CPEB4: variants seen among roughly 807,000 people sequenced by gnomAD.
The protein encoded by CPEB4 is cytoplasmic polyadenylation element binding protein 4, also known as cytoplasmic polyadenylation element-binding protein 4.
Under a neutral mutation model 72.5 loss-of-function variants are expected in CPEB4, and 12 were observed. The observed-to-expected ratio is 0.17, with a 90% CI of 0.11 to 0.27. The LOEUF is 0.27. CPEB4 is among the 10% of genes least tolerant of loss of function. CPEB4 has a pLI of 1.00. For synonymous variants in CPEB4, 302 were observed against 326.3 expected, an observed-to-expected ratio of 0.93 and a Z score of 0.80; for missense variants, 614 against 908.5, an observed-to-expected ratio of 0.68 and a Z score of 4.17.
chr5:173,904,742 A>G (rs1289955238), intron 1 of CPEB4, among the ~76,000 whole-genome samples: 1 of 151,954 alleles, frequency 6.6e-6, no homozygotes, highest in Admixed American at 6.6e-5. Context: ...CTATGCCACT[A>G]AACTATGCAG....
intron 1 of CPEB4, among the ~76,000 whole-genome samples, chr5:173,905,546 C>A (rs971932264): frequency 3.9e-5 from 6 of 152,026 alleles, no homozygotes; most frequent in African/African-American, 1.4e-4. Flanking sequence ...GTCTCGAACT[C>A]CTGACCTTGT....
intron 5 of CPEB4, among the ~76,000 whole-genome samples, chr5:173,947,735 CT>C (rs1758077526): frequency 6.6e-6 from 1 of 152,132 alleles, no homozygotes; most frequent in African/African-American, 2.4e-5. Context: ...TCTTTATTTC[CT>C]AGCTTCCTTC....
At chr5:173,916,590 C>T (rs984403754) in intron 2 of CPEB4, among the ~76,000 whole-genome samples, 4 of 152,162 alleles carry the variant, frequency 2.6e-5, no homozygotes, top group African/African-American at 9.7e-5. Context: ...TTTTAAAACA[C>T]TTTCATATTT....
chr5:173,930,843 G>T (rs189499142), intron 2 of CPEB4, among the ~76,000 whole-genome samples: 2 of 151,954 alleles, frequency 1.3e-5, no homozygotes, highest in African/African-American at 4.8e-5. Context: ...AAAAAAATTA[G>T]CCAGGCATGG....
At chr5:173,926,346 G>A (rs1757240597) in intron 2 of CPEB4, among the ~76,000 whole-genome samples, 2 of 152,198 alleles carry the variant, frequency 1.3e-5, no homozygotes, top group East Asian at 3.8e-4. Flanking sequence ...TTTAGTTAGT[G>A]TCTTAAAAGG....
chr5:173,955,902 G>T lies in CPEB4; in HGVS notation c.1963-8G>T, dbSNP rs1758362220. On this transcript the variant is annotated splice_polypyrimidine_tract_variant and splice_region_variant and intron_variant, in intron 9 of 9. Coordinates refer to ENST00000265085, the MANE Select transcript of CPEB4 (RefSeq NM_030627.4). This position sits in a 1 kb window ranked among gnomAD's most constrained non-coding sequence, Gnocchi z 4.7. ...CTGAAAAATGTAAACTCTTATTTTT[G>T]ATTGCAGGTGGAAGTTAAGCCATAT... The T allele has an allele frequency of 1.2e-6, 2 of 1,604,390 alleles. No individual in the cohort carries two copies. Among genetic ancestry groups the T allele is most frequent in the Non-Finnish European group, 1.7e-6 (2 of 1,173,214 alleles).
chr5:173,891,618 C>G (rs1755815450), intron 1 of CPEB4: 1 of 152,128 alleles, frequency 6.6e-6, no homozygotes, highest in Non-Finnish European at 1.5e-5. Flanking sequence ...AAAAATAGAT[C>G]CAGGCAAAGA....
In CPEB4 at chr5:173,930,834, A is replaced by G. The variant is rs527700526; in HGVS notation, c.1208-1616A>G. Among the ~76,000 whole-genome samples, 21 of 151,712 alleles carry G rather than the reference A, an allele frequency of 1.4e-4. No individual in the cohort carries two copies. In the South Asian group the frequency reaches 4.2e-3, roughly 30 times the overall value. ...AAACCCCGTCCCTACTAAAAATACA[A>G]AAAAATTAGCCAGGCATGGTAGCGG... On this transcript the variant is annotated intron_variant, in intron 2 of 9. Coordinates refer to ENST00000265085, the MANE Select transcript of CPEB4 (RefSeq NM_030627.4).
chr5:173,925,684 G>A (rs555289030), intron 2 of CPEB4, among the ~76,000 whole-genome samples: 21 of 152,290 alleles, frequency 1.4e-4, no homozygotes, highest in Non-Finnish European at 2.5e-4. Flanking sequence ...CTTGCTGCAA[G>A]TCTCAAGTGG....
At chr5:173,927,510 G>C (rs1581142621) in intron 2 of CPEB4, among the ~76,000 whole-genome samples, 1 of 152,216 alleles carries the variant, frequency 6.6e-6, no homozygotes, top group East Asian at 1.9e-4. Flanking sequence ...AGGCGCAGTG[G>C]CTCAAGCCTG....
chr5:173,946,018 T>C (rs371286022), intron 5 of CPEB4, among the ~76,000 whole-genome samples: 1 of 152,218 alleles, frequency 6.6e-6, no homozygotes, highest in South Asian at 2.1e-4. Context: ...GAGAATAGAA[T>C]AGATTTCTTT....
chr5:173,912,459 A>C (rs1023490850), intron 2 of CPEB4, among the ~76,000 whole-genome samples: 2 of 152,076 alleles, frequency 1.3e-5, no homozygotes, highest in Admixed American at 6.6e-5. Flanking sequence ...CTACTTTTGC[A>C]ACTTGCTGTG....
intron 1 of CPEB4, among the ~76,000 whole-genome samples, chr5:173,906,718 G>C (rs531794455): frequency 6.6e-6 from 1 of 152,232 alleles, no homozygotes; most frequent in East Asian, 1.9e-4. Context: ...GTATTAAACT[G>C]TAACAAATTA....
chr5:173,927,254 T>C (rs1306201177), intron 2 of CPEB4, among the ~76,000 whole-genome samples: 3 of 152,200 alleles, frequency 2.0e-5, no homozygotes, highest in Non-Finnish European at 4.4e-5. Flanking sequence ...TTTTATTTTA[T>C]TATACTTTAC....
rs1157180012 is a variant in CPEB4 at position 173,890,928 on chromosome 5, G to C, written c.1125+70G>C. Reference sequence around the variant, plus strand: ...GCATGGTGTAATATCTATGTAACTAGAGTTTGAAGTGCCCGTATTCACATC... The same window carrying C: ...GCATGGTGTAATATCTATGTAACTACAGTTTGAAGTGCCCGTATTCACATC... On this transcript the variant is annotated intron_variant, in intron 1 of 9. Coordinates refer to ENST00000265085, the MANE Select transcript of CPEB4 (RefSeq NM_030627.4). 2.1e-6 allele frequency: 3 copies of C among 1,419,014 alleles called. No individual in the cohort carries two copies. The Admixed American group carries it at 6.8e-5, about 32-fold the overall frequency. The allele number at this position is 1,419,014 out of a possible 1,614,324, so 87.9% of individuals were successfully genotyped here.
At chr5:173,911,691 T>TTG (rs1434811260) in intron 2 of CPEB4, among the ~76,000 whole-genome samples, 1 of 151,148 alleles carries the variant, frequency 6.6e-6, no homozygotes, top group South Asian at 2.1e-4. Flanking sequence ...GTTTTTTTTT[T>TTG]TTTTTTTTTT....
At chr5:173,913,731 T>G (rs1332116617) in intron 2 of CPEB4, among the ~76,000 whole-genome samples, 2 of 152,216 alleles carry the variant, frequency 1.3e-5, no homozygotes, top group African/African-American at 4.8e-5. Context: ...CAAAATAAAT[T>G]AAGTCTGATT....
At chr5:173,908,645 G>A (rs1020268672) in intron 1 of CPEB4, among the ~76,000 whole-genome samples, 1 of 152,092 alleles carries the variant, frequency 6.6e-6, no homozygotes, top group Non-Finnish European at 1.5e-5. Context: ...TGTTACAAAA[G>A]CACAGAAGAG....
intron 1 of CPEB4, among the ~76,000 whole-genome samples, chr5:173,895,244 G>A (rs560774788): frequency 2.6e-5 from 4 of 152,252 alleles, no homozygotes; most frequent in Non-Finnish European, 5.9e-5. Flanking sequence ...AATATATTGG[G>A]GCACCTGCCA....
Sources: gnomAD v4.1 joint callset for allele counts (sites outside exome capture counted in the v4.1 genomes callset) on GRCh38, gnomAD v4.1.1 for gene constraint, Gnocchi (gnomAD v3.1) non-coding constraint, MANE v1.5 for transcripts, NCBI Gene and HGNC (gene_info 2026-07-23, HGNC 2026-07-21) for gene names.